The following MYO18A variants were observed in gnomAD, a reference collection of about 807,000 sequenced individuals.
MYO18A encodes the protein unconventional myosin-XVIIIa.
In MYO18A, 78 loss-of-function variants were observed where a neutral mutation model predicts 235.8. That is an observed-to-expected ratio of 0.33 (90% CI 0.28 to 0.40). MYO18A has a LOEUF of 0.40. Ranked by LOEUF, MYO18A falls within the 10% of genes least tolerant of loss-of-function variation. The pLI, the probability that MYO18A is intolerant of heterozygous loss-of-function variation, is 1.00. For missense variants in MYO18A, 2,215 were observed against 2,699.3 expected (o/e 0.82, Z 3.98); for synonymous variants, 977 against 1,077.8 (o/e 0.91, Z 1.83).
At position 29,158,750 on chromosome 17, in the gene MYO18A, T is replaced by C. The variant is rs546001853; in HGVS notation, c.999+7192A>G. Among the ~76,000 whole-genome samples, 23 of 152,112 alleles carry C rather than the reference T, an allele frequency of 1.5e-4. No individual in the cohort carries two copies. Among genetic ancestry groups the C allele is most frequent in the African/African-American group, 5.1e-4 (21 of 41,516 alleles). The stretch of plus-strand genomic sequence containing the variant: ...GCTGGCAGGCAGCGCGTGCCTGTGG[T>C]TTCTGGGAAATGCTGTAGAGATTTG... On this transcript the variant is annotated intron_variant, in intron 2 of 41. Transcript: ENST00000527372. This position sits in a 1 kb window ranked among gnomAD's most constrained non-coding sequence, Gnocchi z 4.3.
intron 21 of MYO18A, among the ~76,000 whole-genome samples, chr17:29,103,323 C>G (rs2066702065): frequency 6.6e-6 from 1 of 152,256 alleles, no homozygotes; most frequent in African/African-American, 2.4e-5. Context: ...TCCACCCACT[C>G]TCTCCTGACA....
Position 29,099,736 on chromosome 17 carries a change from T to C in MYO18A, c.3534A>G (p.Ala1178=), listed in dbSNP as rs2066610433. 15 of 1,613,138 alleles carry C rather than the reference T, an allele frequency of 9.3e-6. No individual in the cohort carries two copies. Among genetic ancestry groups the C allele is most frequent in the Non-Finnish European group, 1.3e-5 (15 of 1,179,848 alleles). ...GTTCATCCCGCTGCTCCTCCAGCCG[T>C]GCCAAGGTGCCCGCCCGGAAGAACA... ...SRVFFRAGTL[A]RLEEQRDEQT... is the part of the protein sequence containing the mutation. The change falls in exon 22 of 42, where the codon GCA becomes GCG. Residue 1178 remains alanine, a synonymous_variant. Coordinates refer to ENST00000527372, the MANE Select transcript of MYO18A (RefSeq NM_078471.4).
At chr17:29,105,824 C>T (rs942544282) in intron 20 of MYO18A, among the ~76,000 whole-genome samples, 12 of 152,020 alleles carry the variant, frequency 7.9e-5, no homozygotes, top group African/African-American at 2.9e-4. Context: ...AGACCATGAA[C>T]CTGTAGGAAG....
chr17:29,135,538 AAGTT>A (rs2067578148), intron 2 of MYO18A, among the ~76,000 whole-genome samples: 1 of 152,150 alleles, frequency 6.6e-6, no homozygotes, highest in Non-Finnish European at 1.5e-5. Context: ...TAGAGACTTT[AAGTT>A]TGTCTGTTGG....
At chr17:29,108,404 G>GT (rs1568071746) in intron 19 of MYO18A, among the ~76,000 whole-genome samples, 1 of 152,182 alleles carries the variant, frequency 6.6e-6, no homozygotes, top group East Asian at 1.9e-4. Flanking sequence ...AGAGCCCAGG[G>GT]TGGAGGGCCA....
chr17:29,145,880 TAGG>T (rs2067837296), intron 2 of MYO18A, among the ~76,000 whole-genome samples: 1 of 152,202 alleles, frequency 6.6e-6, no homozygotes, highest in Admixed American at 6.5e-5. Flanking sequence ...AGCTTGGAGC[TAGG>T]CCAATGAAAG....
At chr17:29,150,245 C>T (rs2067938676) in intron 2 of MYO18A, among the ~76,000 whole-genome samples, 1 of 152,252 alleles carries the variant, frequency 6.6e-6, no homozygotes, top group African/African-American at 2.4e-5. Flanking sequence ...AAAGCACAAA[C>T]CCTATGTCCA....
At chr17:29,160,529 C>T (rs2068149348) in intron 2 of MYO18A, among the ~76,000 whole-genome samples, 1 of 152,132 alleles carries the variant, frequency 6.6e-6, no homozygotes, top group Admixed American at 6.5e-5. Flanking sequence ...TTATTTAATC[C>T]CCCAGTGCTA....
intron 2 of MYO18A, among the ~76,000 whole-genome samples, chr17:29,144,794 T>C (rs1237017763): frequency 6.6e-6 from 1 of 152,212 alleles, no homozygotes. Flanking sequence ...TGCTCTATTA[T>C]ATACAGTGGA....
At position 29,098,232 on chromosome 17, in the gene MYO18A, TG is replaced by T; in HGVS notation, c.3871-9del. On this transcript the variant is annotated splice_polypyrimidine_tract_variant and intron_variant, in intron 24 of 41. Transcript: ENST00000527372. ...CGATGTCAGCTCTGAGATCTGGGGTTGGGGGTAGGGAGTCACCACCAGTTGA... is the reference window on the plus strand; with the variant it reads ...CGATGTCAGCTCTGAGATCTGGGGTTGGGGTAGGGAGTCACCACCAGTTGA... 6.2e-7 allele frequency: 1 copy of T among 1,613,914 alleles called. No individual in the cohort carries two copies. The highest frequency in any genetic ancestry group is 1.1e-5 in the South Asian group (1 of 91,084).
chr17:29,172,040 G>GTT (rs1213569514), intron 1 of MYO18A, among the ~76,000 whole-genome samples: 2 of 152,116 alleles, frequency 1.3e-5, no homozygotes, highest in Admixed American at 1.3e-4. Flanking sequence ...TTTTCTGAAT[G>GTT]TTTGCAGGTC....
rs1307129970 is a variant in MYO18A, at chr17:29,111,166, G to A, written c.2900+258C>T. Among the ~76,000 whole-genome samples, 1 of 152,146 alleles carries A rather than the reference G, an allele frequency of 6.6e-6. No homozygotes were observed. Among genetic ancestry groups the A allele is most frequent in the African/African-American group, 2.4e-5 (1 of 41,412 alleles). On this transcript the variant is annotated intron_variant, in intron 17 of 41. Transcript: ENST00000527372. The surrounding 1 kb of genome is among the most constrained non-coding windows in gnomAD (Gnocchi z 5.1). ...GGCCCGTGGGGCTGGGGGTTCTAAG[G>A]CCGCTCCTGCCTTCTTTGACTTGAG... is the stretch of plus-strand genomic sequence containing the variant.
chr17:29,139,679 C>G (rs950962634), intron 2 of MYO18A, among the ~76,000 whole-genome samples: 1 of 152,152 alleles, frequency 6.6e-6, no homozygotes, highest in East Asian at 1.9e-4. Context: ...TCCTCACTTT[C>G]TTTTTTAAGG....
rs998120757 is a variant in MYO18A, at chr17:29,180,059, T to A, written c.-82+254A>T. Among the ~76,000 whole-genome samples, 1 of 150,828 alleles carries A rather than the reference T, an allele frequency of 6.6e-6. No homozygotes were observed. Among genetic ancestry groups the A allele is most frequent in the Non-Finnish European group, 1.5e-5 (1 of 67,540 alleles). ...GTCCTGCCTCCCTGCGCCCCCCAGG[T>A]TGGCTGGAAGGGCCGGTGGTTCCCC... On this transcript the variant is annotated intron_variant, in intron 1 of 41. Transcript: ENST00000527372. This position sits in a 1 kb window ranked among gnomAD's most constrained non-coding sequence, Gnocchi z 6.1.
intron 41 of MYO18A, chr17:29,077,872 C>G (rs1281943765): frequency 6.6e-6 from 1 of 152,206 alleles, no homozygotes; most frequent in Admixed American, 6.5e-5. Flanking sequence ...GGGGTAGAGG[C>G]GCAGTGTGCA....
At chr17:29,131,058 C>T (rs1001096964) in intron 2 of MYO18A, among the ~76,000 whole-genome samples, 4 of 152,182 alleles carry the variant, frequency 2.6e-5, no homozygotes, top group Non-Finnish European at 5.9e-5. Context: ...GTTCAGGAAA[C>T]CAGAACCAAA....
rs1243324419 is a variant in MYO18A, at chr17:29,106,366, C to A, written c.3441+714G>T. On this transcript the variant is annotated intron_variant, in intron 20 of 41. Coordinates refer to ENST00000527372, the MANE Select transcript of MYO18A (RefSeq NM_078471.4). This position sits in a 1 kb window ranked among gnomAD's most constrained non-coding sequence, Gnocchi z 4.6. ...GGTCTTTAAGGCAGGGGTGGAGGGGCAGGGGGGCACACACAGAGGCAGGCT... is the reference window on the plus strand; with the variant it reads ...GGTCTTTAAGGCAGGGGTGGAGGGGAAGGGGGGCACACACAGAGGCAGGCT... 6.6e-6 allele frequency among the ~76,000 whole-genome samples: 1 copy of A among 152,158 alleles called. No homozygotes were observed. Among genetic ancestry groups the A allele is most frequent in the African/African-American group, 2.4e-5 (1 of 41,428 alleles).
At chr17:29,094,443 A>G (rs1598290866) in intron 30 of MYO18A, 1 of 623,592 alleles carries the variant, frequency 1.6e-6, no homozygotes, top group Admixed American at 2.9e-5. Flanking sequence ...GCTCCATCAG[A>G]TTTGTTTTTG....
At chr17:29,175,186 C>T (rs1459920072) in intron 1 of MYO18A, among the ~76,000 whole-genome samples, 1 of 151,916 alleles carries the variant, frequency 6.6e-6, no homozygotes, top group African/African-American at 2.4e-5. Flanking sequence ...GAACTCCTGG[C>T]TTCAAGTGGT....
Sources: gnomAD v4.1 joint callset for allele counts (sites outside exome capture counted in the v4.1 genomes callset) on GRCh38, gnomAD v4.1.1 for gene constraint, Gnocchi (gnomAD v3.1) non-coding constraint, MANE v1.5 for transcripts, NCBI Gene and HGNC (gene_info 2026-07-23, HGNC 2026-07-21) for gene names.